NCK1: variants seen among roughly 807,000 people sequenced by gnomAD.
NCK1 encodes NCK adaptor protein 1, also known as SH2/SH3 adapter protein NCK1.
In NCK1, 19 loss-of-function variants were observed where a neutral mutation model predicts 36.6. The ratio of observed to expected loss-of-function variants is 0.52; its 90% CI spans 0.36 to 0.76. The LOEUF is 0.76. Ranked by LOEUF, NCK1 falls within the 30% of genes least tolerant of loss-of-function variation. The pLI is 0.00. For synonymous variants in NCK1, 165 were observed against 156.0 expected, an observed-to-expected ratio of 1.06 and a Z score of -0.43; for missense variants, 358 against 445.6, an observed-to-expected ratio of 0.80 and a Z score of 1.77.
At chr3:136,908,793 C>G (rs1296816978) in intron 1 of NCK1, among the ~76,000 whole-genome samples, 1 of 152,104 alleles carries the variant, frequency 6.6e-6, no homozygotes, top group East Asian at 1.9e-4. Context: ...TGTGAAGGTA[C>G]AAAAATTATA....
At chr3:136,888,195 G>A (rs972443887) in intron 1 of NCK1, among the ~76,000 whole-genome samples, 1 of 151,738 alleles carries the variant, frequency 6.6e-6, no homozygotes, top group African/African-American at 2.4e-5. Context: ...TGCCTGCCTC[G>A]GCCTCCCAAA....
chr3:136,893,182 A>G (rs377128809), intron 1 of NCK1, among the ~76,000 whole-genome samples: 8,954 of 21,214 alleles, frequency 0.42, 2,398 homozygotes, highest in East Asian at 0.61. Context: ...GTGTGTGTAT[A>G]TATATATATA....
At chr3:136,893,549 C>T (rs945216616) in intron 1 of NCK1, among the ~76,000 whole-genome samples, 16 of 152,044 alleles carry the variant, frequency 1.1e-4, no homozygotes, top group Non-Finnish European at 2.1e-4. Context: ...AGTCCTTTGT[C>T]AGATGTATAG....
chr3:136,933,819 C>G (rs1469729036), intron 2 of NCK1, among the ~76,000 whole-genome samples: 1 of 152,150 alleles, frequency 6.6e-6, no homozygotes, highest in Non-Finnish European at 1.5e-5. Flanking sequence ...ATTCTCGTCC[C>G]TCAGCCTCCC....
intron 1 of NCK1, among the ~76,000 whole-genome samples, chr3:136,877,457 G>A (rs1044834493): frequency 6.6e-6 from 1 of 152,130 alleles, no homozygotes; most frequent in Non-Finnish European, 1.5e-5. Context: ...ATAACTTAAA[G>A]GATGTGTATA....
intron 1 of NCK1, among the ~76,000 whole-genome samples, chr3:136,877,473 A>G (rs908057965): frequency 3.3e-5 from 5 of 152,244 alleles, no homozygotes; most frequent in Non-Finnish European, 7.3e-5. Flanking sequence ...GTATAGAGCC[A>G]TGCTTAGAGG....
rs546945542 is a variant in NCK1 at position 136,873,480 on chromosome 3, G to A, written c.-19+11127G>A. Among the ~76,000 whole-genome samples the A allele has an allele frequency of 2.6e-5, 4 of 152,202 alleles. No homozygotes were observed. In the East Asian group the frequency reaches 7.7e-4, roughly 29 times the overall value. On this transcript the variant is annotated intron_variant, in intron 1 of 3. Coordinates refer to ENST00000481752, the MANE Select transcript of NCK1 (RefSeq NM_001291999.2). ...AGGCAGAAGGGGCTTGCCTTGTTTTGGATGAGACTTTGGACTGTGAACTTC... is the reference window on the plus strand; with the variant it reads ...AGGCAGAAGGGGCTTGCCTTGTTTTAGATGAGACTTTGGACTGTGAACTTC...
At position 136,950,331 on chromosome 3, in the gene NCK1, C is replaced by G. The variant is rs1233097906; in HGVS notation, c.*1878C>G. Among the ~76,000 whole-genome samples, 1 of 152,056 alleles carries G rather than the reference C, an allele frequency of 6.6e-6. No individual in the cohort carries two copies. The highest frequency in any genetic ancestry group is 1.5e-5 in the Non-Finnish European group (1 of 67,960). On this transcript the variant is annotated 3_prime_UTR_variant, in exon 4 of 4. Transcript: ENST00000481752. Reference sequence around the variant, plus strand: ...CATAAACTATTCATAGTAAACTGCACTGAGCTGATATTAATAGAGCAGACT... The same window carrying G: ...CATAAACTATTCATAGTAAACTGCAGTGAGCTGATATTAATAGAGCAGACT...
At chr3:136,886,220 T>G (rs1939069625) in intron 1 of NCK1, among the ~76,000 whole-genome samples, 2 of 152,220 alleles carry the variant, frequency 1.3e-5, no homozygotes, top group African/African-American at 4.8e-5. Flanking sequence ...TGGTAGTAAC[T>G]TGGCTATAGG....
intron 1 of NCK1, among the ~76,000 whole-genome samples, chr3:136,925,844 A>G (rs1446143091): frequency 6.6e-6 from 1 of 152,250 alleles, no homozygotes; most frequent in Admixed American, 6.5e-5. Context: ...TCTGGGATAA[A>G]TACCCAGGGG....
At chr3:136,928,517 G>C (rs1438282559) in intron 2 of NCK1, 1 of 335,922 alleles carries the variant, frequency 3.0e-6, no homozygotes, top group Non-Finnish European at 5.4e-6. Context: ...ATCACTGTTG[G>C]AGTTTAGACT....
At chr3:136,882,729 G>T (rs1456391782) in intron 1 of NCK1, among the ~76,000 whole-genome samples, 4 of 152,128 alleles carry the variant, frequency 2.6e-5, no homozygotes, top group Non-Finnish European at 5.9e-5. Flanking sequence ...GTCCAGGCTA[G>T]AAGTGGCATA....
At chr3:136,888,587 A>G (rs1344381324) in intron 1 of NCK1, among the ~76,000 whole-genome samples, 1 of 150,338 alleles carries the variant, frequency 6.7e-6, no homozygotes, top group Non-Finnish European at 1.5e-5. Flanking sequence ...TATTTTTAGT[A>G]GAGACGGGGT....
chr3:136,864,353 T>C (rs529105558), intron 1 of NCK1, among the ~76,000 whole-genome samples: 143 of 151,350 alleles, frequency 9.4e-4, no homozygotes, highest in Non-Finnish European at 7.1e-4. Context: ...TATCCGGGCG[T>C]GGTGGCACGC....
At chr3:136,903,381 T>A (rs1939597670) in intron 1 of NCK1, among the ~76,000 whole-genome samples, 1 of 152,186 alleles carries the variant, frequency 6.6e-6, no homozygotes, top group Non-Finnish European at 1.5e-5. Flanking sequence ...TATAGGTGGG[T>A]CATGCTTTAA....
At chr3:136,918,320 A>G (rs1271098324) in intron 1 of NCK1, among the ~76,000 whole-genome samples, 4 of 151,692 alleles carry the variant, frequency 2.6e-5, no homozygotes, top group Non-Finnish European at 5.9e-5. Flanking sequence ...GATTCAACCA[A>G]CCACAGGTAA....
rs72448103 is a variant in NCK1, at chr3:136,870,050, TA to T, written c.-19+7701del. 2.1e-3 allele frequency among the ~76,000 whole-genome samples: 213 copies of T among 101,528 alleles called. 19 individuals carry two copies. The highest frequency in any genetic ancestry group is 5.7e-3 in the Middle Eastern group (1 of 174). The allele number at this position is 101,528 out of a possible 152,430, so 66.6% of individuals were successfully genotyped here. A position where few individuals can be genotyped will look rare whatever the true frequency, so the allele number is the denominator to read the frequency against. ...AAAGTTTTTTTTTTTTTTTTTTTTT[TA>T]AAAGAATCATCCTGGCCCAGCGCAG... On this transcript the variant is annotated intron_variant, in intron 1 of 3. Coordinates refer to ENST00000481752, the MANE Select transcript of NCK1 (RefSeq NM_001291999.2).
chr3:136,906,388 G>A (rs769240384), intron 1 of NCK1, among the ~76,000 whole-genome samples: 1 of 152,166 alleles, frequency 6.6e-6, no homozygotes, highest in Non-Finnish European at 1.5e-5. Context: ...AGGATTACAG[G>A]TATGAGCCAC....
chr3:136,943,377 T>G (rs1288520468), intron 2 of NCK1, among the ~76,000 whole-genome samples: 1 of 152,202 alleles, frequency 6.6e-6, no homozygotes, highest in African/African-American at 2.4e-5. Context: ...TTATTTTTAT[T>G]TGGACATGAG....
Sources: gnomAD v4.1 joint callset for allele counts (sites outside exome capture counted in the v4.1 genomes callset) on GRCh38, gnomAD v4.1.1 for gene constraint, MANE v1.5 for transcripts, NCBI Gene and HGNC (gene_info 2026-07-23, HGNC 2026-07-21) for gene names.